CDC42BPA: variants seen among roughly 807,000 people sequenced by gnomAD.
CDC42BPA encodes serine/threonine-protein kinase MRCK alpha.
A neutral mutation model predicts 223.5 loss-of-function variants in CDC42BPA; 80 were observed. The observed-to-expected ratio is 0.36, with a 90% CI of 0.30 to 0.43. The LOEUF is 0.43. Among genes scored for constraint, CDC42BPA ranks in the 20% least tolerant of loss-of-function variants. CDC42BPA has a pLI of 1.00. For synonymous variants in CDC42BPA, 694 were observed against 718.6 expected (o/e 0.97, Z 0.55); for missense variants, 1,743 against 2,099.9 (o/e 0.83, Z 3.32).
intron 1 of CDC42BPA, among the ~76,000 whole-genome samples, chr1:227,290,903 G>T (rs7530080): frequency 0.31 from 46,683 of 151,784 alleles, 7,356 homozygotes; most frequent in East Asian, 0.37. Context: ...AATTCCTTTC[G>T]AAAATGATAC....
chr1:227,125,277 A>T (rs1032636139), intron 11 of CDC42BPA, among the ~76,000 whole-genome samples: 6 of 151,772 alleles, frequency 4.0e-5, no homozygotes, highest in Non-Finnish European at 8.8e-5. Context: ...TTCCAACCTC[A>T]TGAGGCTATA....
chr1:227,187,512 T>C (rs1212306280), intron 5 of CDC42BPA, among the ~76,000 whole-genome samples: 1 of 142,646 alleles, frequency 7.0e-6, no homozygotes, highest in African/African-American at 2.6e-5. Context: ...GAACAGAATA[T>C]CCAAGAACTG....
chr1:227,049,172 T>TA (rs1268386560), intron 22 of CDC42BPA, among the ~76,000 whole-genome samples: 1 of 151,486 alleles, frequency 6.6e-6, no homozygotes, highest in Non-Finnish European at 1.5e-5. Flanking sequence ...CAAAAGTTAA[T>TA]AAAAAACAAT....
intron 11 of CDC42BPA, among the ~76,000 whole-genome samples, chr1:227,120,902 G>T (rs796928553): frequency 6.6e-6 from 1 of 152,164 alleles, no homozygotes; most frequent in Non-Finnish European, 1.5e-5. Context: ...GGATGAAACT[G>T]TTCTACCTCA....
intron 23 of CDC42BPA, among the ~76,000 whole-genome samples, chr1:227,046,340 T>C (rs1300701513): frequency 3.9e-5 from 6 of 152,020 alleles, no homozygotes; most frequent in South Asian, 2.1e-4. Context: ...GATCCACTGA[T>C]ATCCTCTCCA....
At chr1:227,085,531 C>T (rs1202701405) in intron 16 of CDC42BPA, among the ~76,000 whole-genome samples, 1 of 152,198 alleles carries the variant, frequency 6.6e-6, no homozygotes, top group Admixed American at 6.5e-5. Flanking sequence ...CATTTTGAAC[C>T]TGTATTTCTG....
intron 2 of CDC42BPA, among the ~76,000 whole-genome samples, chr1:227,242,374 G>A (rs1013650196): frequency 2.0e-4 from 30 of 151,820 alleles, no homozygotes; most frequent in African/African-American, 7.0e-4. Flanking sequence ...CCCACTTTCA[G>A]CACTTAAATT....
At chr1:227,145,094 T>C (rs749732550) in intron 8 of CDC42BPA, among the ~76,000 whole-genome samples, 15 of 152,144 alleles carry the variant, frequency 9.9e-5, no homozygotes, top group Non-Finnish European at 1.8e-4. Flanking sequence ...TTCTCTTCAA[T>C]TGTTGTATCA....
chr1:227,026,841 G>A (rs552880943), intron 30 of CDC42BPA, among the ~76,000 whole-genome samples: 1 of 152,098 alleles, frequency 6.6e-6, no homozygotes, highest in South Asian at 2.1e-4. Flanking sequence ...TAGAGATAAG[G>A]TCTCACTGTA....
chr1:227,186,046 C>A (rs1668726736), intron 5 of CDC42BPA, among the ~76,000 whole-genome samples: 1 of 152,186 alleles, frequency 6.6e-6, no homozygotes, highest in Admixed American at 6.5e-5. Flanking sequence ...AGAATCACAA[C>A]TTGGCAGTTT....
chr1:227,105,698 A>G (rs1238314242), intron 14 of CDC42BPA, among the ~76,000 whole-genome samples: 1 of 152,102 alleles, frequency 6.6e-6, no homozygotes, highest in Non-Finnish European at 1.5e-5. Flanking sequence ...GGAATCATAT[A>G]GTATTTGTCC....
chr1:227,275,294 CAT>C (rs1327336624), intron 1 of CDC42BPA, among the ~76,000 whole-genome samples: 3 of 115,478 alleles, frequency 2.6e-5, no homozygotes, highest in Admixed American at 9.0e-5. Context: ...CATATCAAAA[CAT>C]ATGAGATGCA....
At chr1:227,116,847 A>G (rs1358226423) in intron 12 of CDC42BPA, among the ~76,000 whole-genome samples, 1 of 152,056 alleles carries the variant, frequency 6.6e-6, no homozygotes, top group Non-Finnish European at 1.5e-5. Context: ...GTGGGGTGGG[A>G]GAGAGTAGGA....
intron 1 of CDC42BPA, among the ~76,000 whole-genome samples, chr1:227,276,235 G>C (rs1368496250): frequency 6.6e-6 from 1 of 151,226 alleles, no homozygotes; most frequent in Non-Finnish European, 1.5e-5. Context: ...GATGTGAGGA[G>C]CGCCTCTGCC....
chr1:227,029,225 C>T lies in CDC42BPA; in HGVS notation c.3864G>A (p.Lys1288=). The change falls in exon 30 of 37, where the codon AAG becomes AAA. Residue 1288 remains lysine (K), a synonymous_variant. Coordinates refer to ENST00000366766, the MANE Select transcript of CDC42BPA (RefSeq NM_001394014.1). ...GAATGAGTTCAATCTGATGAATCTTCTTATTGTCACCAACTCTAATAATTT... is the reference window on the plus strand; with the variant it reads ...GAATGAGTTCAATCTGATGAATCTTTTTATTGTCACCAACTCTAATAATTT... ...KDEIIRVGDN[K]KIHQIELIPN... is the part of the protein sequence containing the mutation. The T allele has an allele frequency of 6.3e-7, 1 of 1,584,858 alleles. No individual in the cohort carries two copies. The highest frequency in any genetic ancestry group is 8.6e-7 in the Non-Finnish European group (1 of 1,169,036).
At chr1:227,037,390 C>T (rs1042466556) in intron 24 of CDC42BPA, among the ~76,000 whole-genome samples, 1 of 152,236 alleles carries the variant, frequency 6.6e-6, no homozygotes, top group Non-Finnish European at 1.5e-5. Context: ...ACTTAATACA[C>T]TCCTAGCTCT....
intron 21 of CDC42BPA, among the ~76,000 whole-genome samples, chr1:227,053,783 T>A (rs547367292): frequency 1.1e-4 from 17 of 152,286 alleles, no homozygotes; most frequent in African/African-American, 4.1e-4. Flanking sequence ...TTGGCCCAGT[T>A]TACAATTTTA....
At chr1:227,221,616 T>A (rs1322848498) in intron 2 of CDC42BPA, among the ~76,000 whole-genome samples, 1 of 150,996 alleles carries the variant, frequency 6.6e-6, no homozygotes, top group Non-Finnish European at 1.5e-5. Context: ...TTTTTTTTTT[T>A]ACCACATTAC....
chr1:227,277,395 T>C (rs1178382368), intron 1 of CDC42BPA, among the ~76,000 whole-genome samples: 1 of 152,326 alleles, frequency 6.6e-6, no homozygotes, highest in South Asian at 2.1e-4. Flanking sequence ...CTACATCTCA[T>C]CCTTTTTTAT....
Sources: gnomAD v4.1 joint callset for allele counts (sites outside exome capture counted in the v4.1 genomes callset) on GRCh38, gnomAD v4.1.1 for gene constraint, MANE v1.5 for transcripts, NCBI Gene and HGNC (gene_info 2026-07-23, HGNC 2026-07-21) for gene names.